Variants in ITGA7 observed in about 807,000 individuals in gnomAD.
The protein encoded by ITGA7 is integrin alpha-7.
ITGA7 carries 84 observed loss-of-function variants against 131.6 expected under a neutral mutation model. The ratio of observed to expected loss-of-function variants is 0.64; its 90% confidence interval spans 0.54 to 0.77. ITGA7 has a LOEUF of 0.77. Among genes scored for constraint, ITGA7 ranks in the 30% least tolerant of loss-of-function variants. ITGA7 has a pLI of 0.00. For missense variants in ITGA7, 1,399 were observed against 1,482.9 expected (o/e 0.94, Z 0.93); for synonymous variants, 548 against 600.7 (o/e 0.91, Z 1.28).
At chr12:55,702,754 G>A (rs917433636) in intron 3 of ITGA7, 118 bp downstream of exon 3, 6 of 846,356 alleles carry the variant, frequency 7.1e-6, no homozygotes, top group East Asian at 2.5e-5. Flanking sequence ...GATGTACTTG[G>A]AATCATACCA....
chr12:55,694,844 T>C lies in ITGA7; in HGVS notation c.2130A>G (p.Glu710=). The part of the protein sequence containing the change: ...QPQADGDDAH[E]AQLLVMLPDS... Reference sequence around the variant, plus strand: ...CAGGAAGCATGACCAGGAGCTGGGCTTCATGGGCATCATCCCCATCAGCCT... The same window carrying C: ...CAGGAAGCATGACCAGGAGCTGGGCCTCATGGGCATCATCCCCATCAGCCT... The change falls in exon 15 of 25, where the codon GAA becomes GAG. Residue 710 remains glutamate (E), a synonymous_variant. Transcript: ENST00000257879. The surrounding 1 kb of genome is among the most constrained non-coding windows in gnomAD (Gnocchi z 5.3). 6.2e-7 allele frequency: 1 copy of C among 1,613,750 alleles called. No homozygotes were observed. Among genetic ancestry groups the C allele is most frequent in the South Asian group, 1.1e-5 (1 of 91,062 alleles).
chr12:55,688,161 AAG>A (rs1276445641), intron 23 of ITGA7, 39 bp downstream of exon 23: 2 of 1,613,750 alleles, frequency 1.2e-6, no homozygotes, highest in African/African-American at 2.7e-5. Context: ...AGCAGGAAAG[AAG>A]AGAGTCCTCC....
chr12:55,688,799 T>C (rs760831362), intron 22 of ITGA7, 45 bp downstream of exon 22: 1 of 1,425,854 alleles, frequency 7.0e-7, no homozygotes, highest in Non-Finnish European at 9.9e-7. Flanking sequence ...TGGAGGGGCT[T>C]TGGAGGAAGA....
rs559955065 is a variant in ITGA7 at position 55,685,259 on chromosome 12, G to A, written c.3213C>T (p.Pro1071=). Reference sequence around the variant, plus strand: ...CATGGTACTGGGGCACGGTGGCCTCGGGGTGCTTCGCCCGTTTGAAGAATC... The same window carrying A: ...CATGGTACTGGGGCACGGTGGCCTCAGGGTGCTTCGCCCGTTTGAAGAATC... ...KMGFFKRAKH[P]EATVPQYHAV... Residue 1071 remains proline, a synonymous_variant, in exon 25 of 25, where the codon CCC becomes CCT. Coordinates refer to ENST00000257879, the MANE Select transcript of ITGA7 (RefSeq NM_002206.3). 45 of 1,614,134 alleles carry A rather than the reference G, an allele frequency of 2.8e-5. No homozygotes were observed. Among genetic ancestry groups the A allele is most frequent in the African/African-American group, 2.1e-4 (16 of 75,042 alleles).
chr12:55,689,044 A>C, intron 21 of ITGA7, 87 bp from the exon 22 acceptor site: 7 of 975,692 alleles, frequency 7.2e-6, no homozygotes, highest in African/African-American at 3.2e-5. Context: ...ACTTGACCTC[A>C]AACTCCCCTC....
At position 55,696,396 on chromosome 12, in the gene ITGA7, T is replaced by C; in HGVS notation, c.1774A>G (p.Thr592Ala). The change falls in exon 13 of 25, where the codon ACC becomes GCC. Residue 592 changes from threonine to alanine, a missense_variant. Coordinates refer to ENST00000257879, the MANE Select transcript of ITGA7 (RefSeq NM_002206.3). ...VKDKLRAIVV[T>A]LSYSLQTPRL... ...GGGGTCTGGAGACTGTAGGACAAGG[T>C]CACTACAATGGCCCGAAGCTTGTCT... The C allele has an allele frequency of 6.2e-7, 1 of 1,600,896 alleles. No individual in the cohort carries two copies. Among genetic ancestry groups the C allele is most frequent in the Non-Finnish European group, 8.5e-7 (1 of 1,172,590 alleles).
chr12:55,686,380 T>G (rs7306191), intron 24 of ITGA7: 528,634 of 970,750 alleles, frequency 0.54, 148,481 homozygotes, highest in East Asian at 0.94. Context: ...AAGGACAGGA[T>G]CCCCTATCTC....
upstream of ITGA7, among the ~76,000 whole-genome samples, chr12:55,709,171 CTTGG>C (rs1380398525): frequency 6.6e-6 from 1 of 152,178 alleles, no homozygotes; most frequent in Non-Finnish European, 1.5e-5. Flanking sequence ...CTCTGCCACA[CTTGG>C]AATCTTTCTC....
chr12:55,706,457 C>T (rs1393803770), intron 1 of ITGA7, among the ~76,000 whole-genome samples: 1 of 152,168 alleles, frequency 6.6e-6, no homozygotes, highest in Non-Finnish European at 1.5e-5. Flanking sequence ...AAGACAGTCC[C>T]AGTGGACAGC....
At chr12:55,699,206 T>C (rs1873398903) in intron 5 of ITGA7, among the ~76,000 whole-genome samples, 1 of 152,180 alleles carries the variant, frequency 6.6e-6, no homozygotes, top group African/African-American at 2.4e-5. Flanking sequence ...CCTCAGGGAC[T>C]GGGCAAGAGA....
Position 55,685,075 on chromosome 12 carries a change from C to A in ITGA7, c.3397G>T (p.Gly1133Trp), listed in dbSNP as rs777049721. The A allele has an allele frequency of 6.3e-7, 1 of 1,594,716 alleles. No homozygotes were observed. The highest frequency in any genetic ancestry group is 8.5e-7 in the Non-Finnish European group (1 of 1,172,838). Residue 1133 changes from glycine to tryptophan, a missense_variant, in exon 25 of 25, where the codon GGG (glycine) becomes TGG (tryptophan). Coordinates refer to ENST00000257879, the MANE Select transcript of ITGA7 (RefSeq NM_002206.3). Reference sequence around the variant, plus strand: ...ATGGGAACCTAGGCGGTGCCTGGCCCTGGATGCCCATCGGGGCCCAGCTCG... The same window carrying A: ...ATGGGAACCTAGGCGGTGCCTGGCCATGGATGCCCATCGGGGCCCAGCTCG... ...HPELGPDGHP[G>W]PGTA
chr12:55,701,032 C>T lies in ITGA7; in HGVS notation c.537G>A (p.Gly179=), dbSNP rs145463677. 1,319 of 1,614,236 alleles carry T rather than the reference C, an allele frequency of 8.2e-4. 3 individuals are homozygous for T. The highest frequency in any genetic ancestry group is 4.0e-3 in the Middle Eastern group (24 of 6,062). ...DLAIRDELDG[G]EWKFCEGRPQ... ...GGCGTCCCTCACAGAACTTCCATTC[C>T]CCACCATCCAACTCATCCCGGATGG... is the stretch of plus-strand genomic sequence containing the variant. The change falls in exon 4 of 25, where the codon GGG becomes GGA. Residue 179 remains glycine, a synonymous_variant. Transcript: ENST00000257879.
chr12:55,701,566 T>A, intron 3 of ITGA7: 1 of 750,352 alleles, frequency 1.3e-6, no homozygotes, highest in Non-Finnish European at 2.3e-6. Flanking sequence ...CCTGTCCGCT[T>A]CACTCTCCAA....
At chr12:55,690,811 T>G (rs1416848136) in intron 21 of ITGA7, among the ~76,000 whole-genome samples, 1 of 152,048 alleles carries the variant, frequency 6.6e-6, no homozygotes, top group Admixed American at 6.6e-5. Flanking sequence ...GATGAGTTCA[T>G]GTCCTTTGTA....
Position 55,707,511 on chromosome 12 carries a change from G to A in ITGA7, c.172C>T (p.Leu58=), listed in dbSNP as rs749604747. The change falls in exon 1 of 25, where the codon CTG becomes TTG. Residue 58 remains leucine (L), a synonymous_variant. Coordinates refer to ENST00000257879, the MANE Select transcript of ITGA7 (RefSeq NM_002206.3). ...PGSLFGFSVA[L]HRQLQPRPQS... Reference sequence around the variant, plus strand: ...GGTCGGGGCTGCAACTGCCGGTGCAGGGCCACAGAGAAGCCGAAGAGGCTG... The same window carrying A: ...GGTCGGGGCTGCAACTGCCGGTGCAAGGCCACAGAGAAGCCGAAGAGGCTG... 9.3e-6 allele frequency: 15 copies of A among 1,613,930 alleles called. No individual in the cohort carries two copies. The East Asian group carries it at 3.1e-4, about 34-fold the overall frequency.
chr12:55,688,336 G>T, intron 22 of ITGA7, 36 bp from the exon 23 acceptor site: 2 of 1,410,018 alleles, frequency 1.4e-6, no homozygotes, highest in Non-Finnish European at 2.0e-6. Flanking sequence ...TCTCCTAAAT[G>T]CCCCATGTCT....
chr12:55,692,138 G>A (rs1168830104), intron 21 of ITGA7, among the ~76,000 whole-genome samples: 5 of 152,256 alleles, frequency 3.3e-5, no homozygotes. Flanking sequence ...TTTTTGCTGA[G>A]CGCGTGGCTC....
rs376336569 is a variant in ITGA7, at chr12:55,685,124, G to A, written c.3348C>T (p.Pro1116=). The part of the protein sequence containing the change: ...SPRREGPDAH[P]ILAADGHPEL... Reference sequence around the variant, plus strand: ...CGGGATGCCCGTCAGCAGCCAGGATGGGGTGTGCATCCGGGCCCTCCCGCC... The same window carrying A: ...CGGGATGCCCGTCAGCAGCCAGGATAGGGTGTGCATCCGGGCCCTCCCGCC... Residue 1116 remains proline (P), a synonymous_variant, in exon 25 of 25, where the codon CCC becomes CCT. Transcript: ENST00000257879. 2 of 1,612,750 alleles carry A rather than the reference G, an allele frequency of 1.2e-6. No individual in the cohort carries two copies. The highest frequency in any genetic ancestry group is 1.7e-5 in the Admixed American group (1 of 60,014).
Position 55,692,870 on chromosome 12 carries a change from CA to C in ITGA7, c.2817del (p.Ala940LeufsTer52), listed in dbSNP as rs1268692157. 6.2e-7 allele frequency: 1 copy of C among 1,613,706 alleles called. No homozygotes were observed. The highest frequency in any genetic ancestry group is 8.5e-7 in the Non-Finnish European group (1 of 1,179,850). ...AGGGTGATGTTTTTCTTCTTCTCAG[CA>C]GAGGACACTGGCCACCAGGACATGC... ...EPSMSWWPVSSAEKKKNITLD... is the reference protein window; with the variant it reads ...EPSMSWWPVSXAEKKKNITLD... On this transcript the variant is annotated frameshift_variant, in exon 21 of 25. Transcript: ENST00000257879. LOFTEE classifies it high-confidence loss of function.
Sources: gnomAD v4.1 joint callset for allele counts (sites outside exome capture counted in the v4.1 genomes callset) on GRCh38, gnomAD v4.1.1 for gene constraint, Gnocchi (gnomAD v3.1) non-coding constraint, MANE v1.5 for transcripts, NCBI Gene and HGNC (gene_info 2026-07-23, HGNC 2026-07-21) for gene names.